Variants in KDM6A observed in about 807,000 individuals in gnomAD.
KDM6A encodes lysine-specific demethylase 6A.
KDM6A carries 11 observed loss-of-function variants against 117.6 expected under a neutral mutation model. The observed-to-expected ratio is 0.09, with a 90% confidence interval of 0.06 to 0.15. The LOEUF (loss-of-function observed/expected upper bound fraction) is 0.15, where lower values mean the gene tolerates loss of function less well. Ranked by LOEUF, KDM6A falls within the 10% of genes least tolerant of loss-of-function variation. KDM6A has a pLI of 1.00. For missense variants in KDM6A, 799 were observed against 1,077.3 expected (o/e 0.74, Z 3.62); for synonymous variants, 384 against 396.1 (o/e 0.97, Z 0.36).
intron 2 of KDM6A, among the ~76,000 whole-genome samples, chrX:44,914,575 C>A (rs760353380): frequency 2.3e-4 from 26 of 110,994 alleles, no homozygotes; most frequent in Non-Finnish European, 3.4e-4. Flanking sequence ...GTTGTGGATT[C>A]TAGGTATTCT....
chrX:45,016,155 AT>A (rs141112867), intron 5 of KDM6A, among the ~76,000 whole-genome samples: 8 of 110,978 alleles, frequency 7.2e-5, no homozygotes, highest in East Asian at 5.6e-4. Context: ...CATCTTAAGC[AT>A]TTTTTTTAAC....
intron 28 of KDM6A, among the ~76,000 whole-genome samples, chrX:45,109,177 C>T (rs1474447110): frequency 1.0e-5 from 1 of 96,794 alleles, no homozygotes; most frequent in Non-Finnish European, 2.1e-5. Context: ...AATAAAGTAC[C>T]TGTAAAAAAA....
chrX:45,044,996 C>T (rs1314373792), intron 8 of KDM6A, among the ~76,000 whole-genome samples: 1 of 110,667 alleles, frequency 9.0e-6, no homozygotes, highest in Non-Finnish European at 1.9e-5. Context: ...TACACGAATC[C>T]AAGAACTCTA....
At chrX:45,097,209 A>T in intron 27 of KDM6A, among the ~76,000 whole-genome samples, 1 of 110,505 alleles carries the variant, frequency 9.0e-6, no homozygotes, top group Non-Finnish European at 1.9e-5. Flanking sequence ...GACCGATTGG[A>T]GTATGGAGGG....
At chrX:45,054,123 A>C (rs1362804584) in intron 10 of KDM6A, among the ~76,000 whole-genome samples, 168 bp downstream of exon 10, 4 of 112,389 alleles carry the variant, frequency 3.6e-5, no homozygotes, top group African/African-American at 1.3e-4. Flanking sequence ...AAAGTTTCCA[A>C]ATATGGTGGT....
chrX:44,963,117 T>C (rs1301324684), intron 3 of KDM6A, among the ~76,000 whole-genome samples: 1 of 111,578 alleles, frequency 9.0e-6, no homozygotes, highest in Admixed American at 9.5e-5. Context: ...TTTGTTGTTA[T>C]CATTTCCACA....
chrX:45,002,321 T>C (rs1408768562), intron 4 of KDM6A, among the ~76,000 whole-genome samples: 1 of 111,697 alleles, frequency 9.0e-6, no homozygotes, highest in African/African-American at 3.3e-5. Flanking sequence ...AAAATTTTTA[T>C]AGACTCTGTT....
At chrX:44,944,793 A>G (rs2037538313) in intron 2 of KDM6A, among the ~76,000 whole-genome samples, 1 of 112,194 alleles carries the variant, frequency 8.9e-6, no homozygotes, top group South Asian at 3.6e-4. Flanking sequence ...AAACTCAGTT[A>G]CTAGTTACAG....
At chrX:45,023,262 C>G (rs958679238) in intron 6 of KDM6A, among the ~76,000 whole-genome samples, 1 of 111,755 alleles carries the variant, frequency 8.9e-6, no homozygotes, top group Non-Finnish European at 1.9e-5. Flanking sequence ...TCTTCTCTAT[C>G]CCATTTCCTT....
chrX:45,075,654 A>G (rs1318472477), intron 18 of KDM6A, among the ~76,000 whole-genome samples: 1 of 111,384 alleles, frequency 9.0e-6, no homozygotes, highest in Non-Finnish European at 1.9e-5. Flanking sequence ...TGAAGGTTTA[A>G]GCCCTAGTTT....
At chrX:45,088,456 C>T (rs1005171189) in intron 25 of KDM6A, among the ~76,000 whole-genome samples, 2 of 113,401 alleles carry the variant, frequency 1.8e-5, no homozygotes, top group African/African-American at 3.2e-5. Flanking sequence ...AGAGATAGTA[C>T]GTAAGTGAAT....
chrX:45,033,322 G>A (rs1433672046), intron 6 of KDM6A, among the ~76,000 whole-genome samples: 5 of 111,854 alleles, frequency 4.5e-5, no homozygotes, highest in Non-Finnish European at 9.4e-5. Flanking sequence ...TGCTTAGTAG[G>A]CCAAGGGAAA....
chrX:44,919,518 A>G (rs2035770835), intron 2 of KDM6A, among the ~76,000 whole-genome samples: 1 of 111,220 alleles, frequency 9.0e-6, no homozygotes, highest in African/African-American at 3.3e-5. Context: ...AATAATACAT[A>G]CATTATTTGG....
At chrX:45,068,850 T>TTCCCTTTCTCTC (rs2044687154) in intron 17 of KDM6A, among the ~76,000 whole-genome samples, 2 of 108,304 alleles carry the variant, frequency 1.8e-5, no homozygotes, top group Non-Finnish European at 1.9e-5. Context: ...CCCTTTCCCT[T>TTCCCTTTCTCTC]TCCCTTTCTC....
intron 4 of KDM6A, among the ~76,000 whole-genome samples, chrX:44,975,623 TATTCACATGCTGTA>T (rs1334617568): frequency 1.8e-5 from 2 of 112,279 alleles, no homozygotes; most frequent in Admixed American, 9.5e-5. Flanking sequence ...ATTATAGCTT[TATTCACATGCTGTA>T]ATTCACATGC....
At chrX:45,084,735 C>A (rs1444763418) in intron 24 of KDM6A, among the ~76,000 whole-genome samples, 1 of 111,207 alleles carries the variant, frequency 9.0e-6, no homozygotes, top group African/African-American at 3.3e-5. Flanking sequence ...AAGCAATTCT[C>A]CTGCCTCAAC....
chrX:44,877,999 T>G (rs2031860196), intron 2 of KDM6A, among the ~76,000 whole-genome samples: 1 of 111,601 alleles, frequency 9.0e-6, no homozygotes, highest in African/African-American at 3.3e-5. Flanking sequence ...TAGAGGTGGC[T>G]TTTTTAAATT....
rs987956112 is a variant in KDM6A, at chrX:45,063,633, G to T, written c.1895G>T (p.Ser632Ile). 1.7e-6 allele frequency: 2 copies of T among 1,208,841 alleles called. No individual in the cohort carries two copies. Among genetic ancestry groups the T allele is most frequent in the African/African-American group, 3.5e-5 (2 of 57,032 alleles). The stretch of plus-strand genomic sequence containing the variant: ...TTTTCTGCAGGCCATGTTCCCTGTA[G>T]CACATCAAGAACGCTGGGAAGTACA... ...GPFSAGHVPC[S>I]TSRTLGSTDT... The change falls in exon 17 of 30, where the codon AGC (serine) becomes ATC (isoleucine). Residue 632 changes from serine (S) to isoleucine (I), a missense_variant. By Grantham distance (142) the Ser-to-Ile change is moderately radical. Coordinates refer to ENST00000611820, the MANE Select transcript of KDM6A (RefSeq NM_001291415.2).
chrX:45,040,304 G>A (rs2043024839), intron 8 of KDM6A, among the ~76,000 whole-genome samples: 1 of 97,394 alleles, frequency 1.0e-5, no homozygotes, highest in Non-Finnish European at 2.1e-5. Flanking sequence ...GGACGGGGCG[G>A]CTGGCCGGGC....
Sources: gnomAD v4.1 joint callset for allele counts (sites outside exome capture counted in the v4.1 genomes callset) on GRCh38, gnomAD v4.1.1 for gene constraint, MANE v1.5 for transcripts, NCBI Gene and HGNC (gene_info 2026-07-23, HGNC 2026-07-21) for gene names.